BRDT: variants seen among roughly 807,000 people sequenced by gnomAD.
The protein encoded by BRDT is bromodomain testis-specific protein.
Under a neutral mutation model 113.9 loss-of-function variants are expected in BRDT, and 77 were observed. That is an observed-to-expected ratio of 0.68 (90% CI 0.56 to 0.82). The LOEUF (loss-of-function observed/expected upper bound fraction) is 0.82. BRDT is among the 40% of genes least tolerant of loss of function. The pLI, the probability that BRDT is intolerant of heterozygous loss-of-function variation, is 0.00. For missense variants in BRDT, 1,027 were observed against 1,105.4 expected (o/e 0.93, Z 1.01); for synonymous variants, 358 against 366.5 (o/e 0.98, Z 0.26).
At chr1:91,966,523 C>T (rs1683077191) in intron 3 of BRDT, among the ~76,000 whole-genome samples, 1 of 152,184 alleles carries the variant, frequency 6.6e-6, no homozygotes, top group South Asian at 2.1e-4. Flanking sequence ...CACACCACTG[C>T]ATCCAGCTCC....
intron 18 of BRDT, among the ~76,000 whole-genome samples, chr1:92,011,363 AT>A (rs748823140): frequency 2.0e-5 from 3 of 152,216 alleles, no homozygotes; most frequent in Non-Finnish European, 4.4e-5. Flanking sequence ...AAGGAACTGA[AT>A]TTTAAACTTT....
At position 91,968,152 on chromosome 1, in the gene BRDT, G is replaced by A; in HGVS notation, c.337G>A (p.Asp113Asn). 6.2e-7 allele frequency: 1 copy of A among 1,613,864 alleles called. No individual in the cohort carries two copies. Among genetic ancestry groups the A allele is most frequent in the Admixed American group, 1.7e-5 (1 of 59,990 alleles). ...SNCYLYNKPG[D>N]DIVLMAQALE... is the part of the protein sequence containing the mutation. The stretch of plus-strand genomic sequence containing the variant: ...TATTTAATATATTTTGTAGCCTGGA[G>A]ATGACATTGTTCTTATGGCACAAGC... Residue 113 changes from aspartate (D) to asparagine (N), a missense_variant, in exon 4 of 19, where the codon GAT becomes AAT. Physicochemically the swap from Asp to Asn is conservative, Grantham distance 23. Transcript: ENST00000399546.
Position 91,992,312 on chromosome 1 carries a change from C to T in BRDT, c.2113C>T (p.Gln705Ter), listed in dbSNP as rs1042624934. The change falls in exon 14 of 19, where the codon CAG (glutamine) becomes TAG (stop). Residue 705 changes from glutamine (Q) to a stop codon, truncating the protein, a stop_gained and splice_region_variant. Coordinates refer to ENST00000399546, the MANE Select transcript of BRDT (RefSeq NM_207189.4). LOFTEE classifies it high-confidence loss of function. ...IPPEGRTGVT[Q>*]IGYCVQDTTS... ...GCCTGAAGGAAGAACAGGCGTCACA[C>T]AGGTAATGCTTAAAATGTGTTTTAA... The T allele has an allele frequency of 2.0e-6, 3 of 1,495,054 alleles. No homozygotes were observed. Among genetic ancestry groups the T allele is most frequent in the Non-Finnish European group, 2.7e-6 (3 of 1,116,618 alleles). The allele number at this position is 1,495,054 out of a possible 1,614,324, so 92.6% of individuals were successfully genotyped here.
intron 4 of BRDT, among the ~76,000 whole-genome samples, chr1:91,975,995 A>C (rs1684103748): frequency 6.6e-6 from 1 of 152,204 alleles, no homozygotes; most frequent in Non-Finnish European, 1.5e-5. Context: ...GAAGCTAACC[A>C]CACAGCTCGA....
chr1:91,957,894 G>A (rs932499294), intron 1 of BRDT, among the ~76,000 whole-genome samples: 1 of 152,094 alleles, frequency 6.6e-6, no homozygotes, highest in African/African-American at 2.4e-5. Context: ...CCAGGCTGGA[G>A]TTTAGTAGGG....
intron 11 of BRDT, 42 bp downstream of exon 11, chr1:91,981,423 T>C (rs777881104): frequency 1.3e-6 from 2 of 1,547,298 alleles, no homozygotes; most frequent in African/African-American, 1.4e-5. Flanking sequence ...TGTATGTATG[T>C]ATGTAGAGAC....
intron 18 of BRDT, among the ~76,000 whole-genome samples, chr1:92,008,090 G>C (rs1184576183): frequency 6.6e-6 from 1 of 152,026 alleles, no homozygotes; most frequent in Non-Finnish European, 1.5e-5. Context: ...GTAAATTTTT[G>C]TATTTTTAGT....
intron 4 of BRDT, among the ~76,000 whole-genome samples, chr1:91,970,374 C>T (rs1442875527): frequency 6.6e-6 from 1 of 152,130 alleles, no homozygotes; most frequent in Non-Finnish European, 1.5e-5. Context: ...TTAAACGGTC[C>T]TCCCACTTTA....
intron 1 of BRDT, among the ~76,000 whole-genome samples, chr1:91,952,493 C>G (rs887901876): frequency 6.6e-6 from 1 of 151,938 alleles, no homozygotes; most frequent in South Asian, 2.1e-4. Flanking sequence ...GGAAAATGCT[C>G]TGGGATGAGG....
At position 92,002,568 on chromosome 1, in the gene BRDT, A is replaced by C. The variant is rs183236735; in HGVS notation, c.2388+419A>C. Among the ~76,000 whole-genome samples, 364 of 152,232 alleles carry C rather than the reference A, an allele frequency of 2.4e-3. 1 individual carries two copies. Among genetic ancestry groups the C allele is most frequent in the Non-Finnish European group, 3.0e-3 (204 of 67,998 alleles). ...TTATTGGAGGAGACAGTGTTTTGCC[A>C]CGTTGGCCAGGTTGGTCTCAAACTC... On this transcript the variant is annotated intron_variant, in intron 16 of 18. Coordinates refer to ENST00000399546, the MANE Select transcript of BRDT (RefSeq NM_207189.4).
At chr1:91,990,650 G>T (rs958900916) in intron 12 of BRDT, among the ~76,000 whole-genome samples, 1 of 152,138 alleles carries the variant, frequency 6.6e-6, no homozygotes, top group African/African-American at 2.4e-5. Flanking sequence ...TTTGTGAGTG[G>T]ACATTTACTC....
chr1:91,985,311 C>T (rs914814153), intron 12 of BRDT, among the ~76,000 whole-genome samples: 2 of 152,068 alleles, frequency 1.3e-5, no homozygotes, highest in African/African-American at 2.4e-5. Flanking sequence ...CCGCCCTCCT[C>T]GGCCTCCCAA....
At position 91,994,573 on chromosome 1, in the gene BRDT, A is replaced by G. The variant is rs560104333; in HGVS notation, c.2287+319A>G. Among the ~76,000 whole-genome samples the G allele has an allele frequency of 8.5e-5, 13 of 152,270 alleles. No individual in the cohort carries two copies. The East Asian group carries it at 1.5e-3, about 18-fold the overall frequency. On this transcript the variant is annotated intron_variant, in intron 15 of 18. Coordinates refer to ENST00000399546, the MANE Select transcript of BRDT (RefSeq NM_207189.4). ...CCTATCTGGGTTAGAAAAGTAGGAA[A>G]GAATAAGGGAGGGCCGGGCGCGGTG... is the stretch of plus-strand genomic sequence containing the variant.
intron 12 of BRDT, among the ~76,000 whole-genome samples, chr1:91,982,287 A>G (rs1323458280): frequency 1.3e-5 from 2 of 152,138 alleles, no homozygotes; most frequent in African/African-American, 2.4e-5. Context: ...TCTTCCATCT[A>G]TAGAAAAATG....
intron 1 of BRDT, among the ~76,000 whole-genome samples, chr1:91,955,295 T>C (rs914617113): frequency 6.6e-6 from 1 of 151,904 alleles, no homozygotes; most frequent in Non-Finnish European, 1.5e-5. Context: ...CTACTAAAAA[T>C]ACAAAAATTA....
chr1:91,994,478 A>G (rs113015282), intron 15 of BRDT, among the ~76,000 whole-genome samples: 1 of 151,918 alleles, frequency 6.6e-6, no homozygotes, highest in Non-Finnish European at 1.5e-5. Flanking sequence ...AATTATGTAT[A>G]TAGTTCACAC....
intron 15 of BRDT, among the ~76,000 whole-genome samples, chr1:91,998,279 TCTCA>T (rs1286749165): frequency 6.6e-6 from 1 of 151,994 alleles, no homozygotes; most frequent in African/African-American, 2.4e-5. Context: ...CACTGCATGT[TCTCA>T]CTCATAAGTG....
chr1:91,962,620 C>T (rs2101568803), intron 1 of BRDT, 98 bp from the exon 2 acceptor site: 1 of 661,808 alleles, frequency 1.5e-6, no homozygotes, highest in Non-Finnish European at 2.3e-6. Context: ...AGGCCTGAGC[C>T]ACTGTGCCCG....
chr1:92,001,907 A>G lies in BRDT; in HGVS notation c.2288-142A>G. On this transcript the variant is annotated intron_variant, in intron 15 of 18. Coordinates refer to ENST00000399546, the MANE Select transcript of BRDT (RefSeq NM_207189.4). The stretch of plus-strand genomic sequence containing the variant: ...TAGTATAACAAGTCCCTAACTAAGA[A>G]TATTCCAAAGTTAAATGATGCATCA... 4 of 585,878 alleles carry G rather than the reference A, an allele frequency of 6.8e-6. No individual in the cohort carries two copies. The South Asian group carries it at 1.1e-4, about 16-fold the overall frequency. 36.3% of individuals were successfully genotyped at this position (585,878 alleles called of 1,614,324 possible).
Sources: gnomAD v4.1 joint callset for allele counts (sites outside exome capture counted in the v4.1 genomes callset) on GRCh38, gnomAD v4.1.1 for gene constraint, MANE v1.5 for transcripts, NCBI Gene and HGNC (gene_info 2026-07-23, HGNC 2026-07-21) for gene names.